Variants in ADAMTS3 observed in about 807,000 individuals in gnomAD.
ADAMTS3 encodes the protein ADAM metallopeptidase with thrombospondin type 1 motif 3, also known as A disintegrin and metalloproteinase with thrombospondin motifs 3.
Under a neutral mutation model 129.0 loss-of-function variants are expected in ADAMTS3, and 73 were observed. That is an observed-to-expected ratio of 0.57 (90% CI 0.47 to 0.69). The LOEUF is 0.69. Ranked by LOEUF, ADAMTS3 falls within the 30% of genes least tolerant of loss-of-function variation. The pLI is 0.00. For missense variants in ADAMTS3, 1,457 were observed against 1,514.5 expected (o/e 0.96, Z 0.63); for synonymous variants, 477 against 510.8 (o/e 0.93, Z 0.89).
At chr4:72,432,010 G>C (rs1011347673) in intron 3 of ADAMTS3, among the ~76,000 whole-genome samples, 3 of 151,754 alleles carry the variant, frequency 2.0e-5, no homozygotes, top group African/African-American at 7.3e-5. Flanking sequence ...CAAATGAAGA[G>C]AAAGCCCAAG....
rs547986818 is a variant in ADAMTS3 at position 72,324,853 on chromosome 4, T to A, written c.862-1756A>T. On this transcript the variant is annotated intron_variant, in intron 5 of 21. Transcript: ENST00000286657. Reference sequence around the variant, plus strand: ...AGCAAGGAGGCCAGAAAATGTGTCTTATAAAGAAGGGTTGGGGATACATAA... The same window carrying A: ...AGCAAGGAGGCCAGAAAATGTGTCTAATAAAGAAGGGTTGGGGATACATAA... Among the ~76,000 whole-genome samples the A allele has an allele frequency of 1.1e-4, 17 of 152,254 alleles. No individual in the cohort carries two copies. The East Asian group carries it at 3.3e-3, about 29-fold the overall frequency.
At chr4:72,403,899 A>G (rs556002026) in intron 4 of ADAMTS3, among the ~76,000 whole-genome samples, 1 of 152,184 alleles carries the variant, frequency 6.6e-6, no homozygotes, top group South Asian at 2.1e-4. Context: ...TTGTGTGTAG[A>G]TAACCTACTT....
chr4:72,540,155 T>C (rs1467791271), intron 3 of ADAMTS3, among the ~76,000 whole-genome samples: 4 of 152,104 alleles, frequency 2.6e-5, no homozygotes, highest in Non-Finnish European at 5.9e-5. Context: ...GATAATGATA[T>C]GGACAATGAA....
intron 3 of ADAMTS3, among the ~76,000 whole-genome samples, chr4:72,415,515 C>T (rs1022110386): frequency 1.3e-5 from 2 of 151,884 alleles, no homozygotes; most frequent in African/African-American, 4.8e-5. Flanking sequence ...TGGAAATCCC[C>T]ATTTCTAAAG....
At chr4:72,525,024 T>C (rs1720772503) in intron 3 of ADAMTS3, among the ~76,000 whole-genome samples, 1 of 152,186 alleles carries the variant, frequency 6.6e-6, no homozygotes, top group Admixed American at 6.5e-5. Context: ...ATTCCATGAT[T>C]CAACTTCTCT....
intron 5 of ADAMTS3, among the ~76,000 whole-genome samples, chr4:72,327,629 G>C (rs1719731180): frequency 6.6e-6 from 1 of 152,108 alleles, no homozygotes; most frequent in Non-Finnish European, 1.5e-5. Context: ...ACGAGCAAGG[G>C]ATGAAAATTA....
At chr4:72,383,550 C>T (rs767216730) in intron 4 of ADAMTS3, among the ~76,000 whole-genome samples, 20 of 152,148 alleles carry the variant, frequency 1.3e-4, no homozygotes, top group Non-Finnish European at 2.8e-4. Flanking sequence ...TCTGCAAATG[C>T]ACTTTCCAAC....
intron 3 of ADAMTS3, among the ~76,000 whole-genome samples, chr4:72,508,453 G>A (rs1344007276): frequency 2.0e-5 from 3 of 152,080 alleles, no homozygotes; most frequent in African/African-American, 7.2e-5. Context: ...ACATTAGGAA[G>A]ATGAGTCAAA....
intron 3 of ADAMTS3, among the ~76,000 whole-genome samples, chr4:72,503,472 G>T (rs1720078956): frequency 1.3e-5 from 2 of 152,258 alleles, no homozygotes; most frequent in African/African-American, 4.8e-5. Flanking sequence ...TGAGATTATA[G>T]TTGGTATGAC....
chr4:72,460,272 G>A (rs1718731512), intron 3 of ADAMTS3, among the ~76,000 whole-genome samples: 3 of 151,404 alleles, frequency 2.0e-5, no homozygotes, highest in Non-Finnish European at 4.4e-5. Flanking sequence ...CTTTTTTGGA[G>A]AGTAATGAAG....
At chr4:72,567,755 T>TTAA (rs1722054200) in intron 1 of ADAMTS3, among the ~76,000 whole-genome samples, 1 of 152,248 alleles carries the variant, frequency 6.6e-6, no homozygotes, top group African/African-American at 2.4e-5. Context: ...GGGGGCCTGA[T>TTAA]TAATCAGATT....
intron 5 of ADAMTS3, among the ~76,000 whole-genome samples, chr4:72,325,265 G>T (rs187966390): frequency 6.6e-6 from 1 of 152,202 alleles, no homozygotes; most frequent in Admixed American, 6.5e-5. Context: ...TAGACAAAAA[G>T]CTGTTGTTTC....
chr4:72,354,514 T>G (rs995922329), intron 4 of ADAMTS3, among the ~76,000 whole-genome samples: 4 of 152,020 alleles, frequency 2.6e-5, no homozygotes, highest in Non-Finnish European at 4.4e-5. Flanking sequence ...AAGATCTTGT[T>G]CTCGCCTGCT....
chr4:72,471,781 AAATT>A (rs1333194986), intron 3 of ADAMTS3, among the ~76,000 whole-genome samples: 2 of 152,112 alleles, frequency 1.3e-5, no homozygotes, highest in African/African-American at 2.4e-5. Flanking sequence ...ACTACTGTAA[AAATT>A]AATAAATCAA....
At chr4:72,424,462 T>G (rs1322742441) in intron 3 of ADAMTS3, among the ~76,000 whole-genome samples, 1 of 152,118 alleles carries the variant, frequency 6.6e-6, no homozygotes, top group Non-Finnish European at 1.5e-5. Flanking sequence ...CTAATTCCTC[T>G]AATTTTCCCT....
chr4:72,426,295 T>G (rs1722572958), intron 3 of ADAMTS3, among the ~76,000 whole-genome samples: 1 of 152,222 alleles, frequency 6.6e-6, no homozygotes, highest in Admixed American at 6.5e-5. Flanking sequence ...GCCTGTTCAC[T>G]CTGATGGTAG....
chr4:72,433,089 T>A (rs1034813984), intron 3 of ADAMTS3, among the ~76,000 whole-genome samples: 4 of 151,888 alleles, frequency 2.6e-5, no homozygotes, highest in African/African-American at 9.7e-5. Context: ...ATATGCTGAC[T>A]TTTTTTCCCG....
intron 15 of ADAMTS3, among the ~76,000 whole-genome samples, chr4:72,307,453 T>C (rs1719116917): frequency 6.6e-6 from 1 of 152,054 alleles, no homozygotes; most frequent in African/African-American, 2.4e-5. Context: ...GCAAGAGAAA[T>C]ATTACGAGCT....
At chr4:72,428,868 G>C (rs528003652) in intron 3 of ADAMTS3, among the ~76,000 whole-genome samples, 165 of 151,982 alleles carry the variant, frequency 1.1e-3, no homozygotes, top group African/African-American at 3.8e-3. Flanking sequence ...GCTGCTCCCT[G>C]CCAATATCCC....
Sources: gnomAD v4.1 joint callset for allele counts (sites outside exome capture counted in the v4.1 genomes callset) on GRCh38, gnomAD v4.1.1 for gene constraint, MANE v1.5 for transcripts, NCBI Gene and HGNC (gene_info 2026-07-23, HGNC 2026-07-21) for gene names.